AHNAK: variants seen among roughly 807,000 people sequenced by gnomAD.
The protein encoded by AHNAK is AHNAK nucleoprotein, also known as neuroblast differentiation-associated protein AHNAK.
A neutral mutation model predicts 37.8 loss-of-function variants in AHNAK; 23 were observed. The ratio of observed to expected loss-of-function variants is 0.61; its 90% CI spans 0.44 to 0.86. The LOEUF is 0.86. AHNAK is among the 40% of genes least tolerant of loss of function. AHNAK has a pLI of 0.00. For synonymous variants in AHNAK, 2,481 were observed against 2,636.3 expected, an observed-to-expected ratio of 0.94 and a Z score of 1.80; for missense variants, 7,411 against 7,319.4, an observed-to-expected ratio of 1.01 and a Z score of -0.46.
chr11:62,525,326 T>A lies in AHNAK; in HGVS notation c.9091A>T (p.Ser3031Cys). The A allele has an allele frequency of 6.2e-7, 1 of 1,613,198 alleles. No individual in the cohort carries two copies. The highest frequency in any genetic ancestry group is 8.5e-7 in the Non-Finnish European group (1 of 1,179,846). The change falls in exon 5 of 5, where the codon AGC becomes TGC. Residue 3031 changes from serine (S) to cysteine (C), a missense_variant. By Grantham distance (112) the Ser-to-Cys change is moderately radical. Transcript: ENST00000378024. Reference sequence around the variant, plus strand: ...CCCTCTCCTTTGAAGCCAGGCATGCTGAATTTGGGCATTTTCACTTTGGGC... The same window carrying A: ...CCCTCTCCTTTGAAGCCAGGCATGCAGAATTTGGGCATTTTCACTTTGGGC... ...KMPKVKMPKF[S>C]MPGFKGEGPD...
At chr11:62,433,693 C>T (rs1938094497) in exon 6 of AHNAK, 2 of 674,564 alleles carry the variant, frequency 3.0e-6, no homozygotes, top group Non-Finnish European at 5.0e-6. Context: ...ATGCAGCAGC[C>T]CTCGGTCTGG....
chr11:62,457,955 G>A (rs1049576101), intron 5 of AHNAK, among the ~76,000 whole-genome samples: 4 of 141,762 alleles, frequency 2.8e-5, no homozygotes, highest in African/African-American at 5.3e-5. Flanking sequence ...CTCTTGTTGC[G>A]CAGGCTGGAG....
At chr11:62,484,408 A>C (rs184988199) in intron 5 of AHNAK, among the ~76,000 whole-genome samples, 2 of 152,216 alleles carry the variant, frequency 1.3e-5, no homozygotes, top group Non-Finnish European at 2.9e-5. Context: ...TAAATAAATA[A>C]CAAGAGAGAC....
At position 62,531,640 on chromosome 11, in the gene AHNAK, T is replaced by C. The variant is rs1481465620; in HGVS notation, c.2777A>G (p.Glu926Gly). ...EVPDVNIEGPEGKLKGPKFKM... is the reference protein window; with the variant it reads ...EVPDVNIEGPGGKLKGPKFKM... ...GAACTTGGGGCCCTTCAGCTTTCCTTCAGGTCCTTCAATATTCACATCTGG... is the reference window on the plus strand; with the variant it reads ...GAACTTGGGGCCCTTCAGCTTTCCTCCAGGTCCTTCAATATTCACATCTGG... The change falls in exon 5 of 5, where the codon GAA becomes GGA. Residue 926 changes from glutamate to glycine, a missense_variant. Transcript: ENST00000378024. The C allele has an allele frequency of 3.7e-6, 6 of 1,613,680 alleles. No homozygotes were observed. The highest frequency in any genetic ancestry group is 5.1e-6 in the Non-Finnish European group (6 of 1,179,922).
chr11:62,448,622 G>A (rs1463381279), intron 5 of AHNAK, among the ~76,000 whole-genome samples: 2 of 152,170 alleles, frequency 1.3e-5, no homozygotes, highest in Non-Finnish European at 1.5e-5. Context: ...GGGTGGGGGA[G>A]GCAAATCATT....
intron 1 of AHNAK, among the ~76,000 whole-genome samples, chr11:62,537,093 A>G (rs1162185049): frequency 6.6e-6 from 1 of 151,514 alleles, no homozygotes; most frequent in African/African-American, 2.4e-5. Context: ...AGCTGGGACT[A>G]CAGGCGCCCG....
chr11:62,486,818 A>T (rs1320811792), intron 5 of AHNAK, among the ~76,000 whole-genome samples: 1 of 151,898 alleles, frequency 6.6e-6, no homozygotes, highest in Non-Finnish European at 1.5e-5. Context: ...CAAGGGTCCT[A>T]TGAGGTTTTA....
At chr11:62,434,167 C>A (rs1015717087) in intron 5 of AHNAK, among the ~76,000 whole-genome samples, 15 of 152,126 alleles carry the variant, frequency 9.9e-5, no homozygotes, top group Non-Finnish European at 2.1e-4. Context: ...CCTTTTGGTG[C>A]CCCCCATACA....
chr11:62,445,648 G>A (rs1229118193), intron 5 of AHNAK, among the ~76,000 whole-genome samples: 1 of 152,182 alleles, frequency 6.6e-6, no homozygotes, highest in Non-Finnish European at 1.5e-5. Context: ...GAGCACGGAA[G>A]GTCAAGGCTA....
At chr11:62,483,900 G>A (rs1380476842) in intron 5 of AHNAK, among the ~76,000 whole-genome samples, 11 of 151,218 alleles carry the variant, frequency 7.3e-5, no homozygotes, top group Admixed American at 2.0e-4. Flanking sequence ...AGCCAGGCGC[G>A]GTGGCGGGCG....
At chr11:62,446,655 A>G (rs1232772908) in intron 5 of AHNAK, among the ~76,000 whole-genome samples, 2 of 152,004 alleles carry the variant, frequency 1.3e-5, no homozygotes, top group East Asian at 3.9e-4. Context: ...GGGCATCTTC[A>G]TGTTTTGTCA....
At chr11:62,454,257 C>CA (rs1193436535) in intron 5 of AHNAK, among the ~76,000 whole-genome samples, 2 of 147,410 alleles carry the variant, frequency 1.4e-5, no homozygotes, top group Non-Finnish European at 3.0e-5. Context: ...ACTGAAAATA[C>CA]AAAAAATTAG....
intron 5 of AHNAK, among the ~76,000 whole-genome samples, chr11:62,483,195 G>A (rs1011956827): frequency 1.3e-5 from 2 of 152,204 alleles, no homozygotes; most frequent in African/African-American, 2.4e-5. Flanking sequence ...CAACAGCATC[G>A]GGGTAGGGTG....
At chr11:62,447,675 CCT>C (rs1469920464) in intron 5 of AHNAK, among the ~76,000 whole-genome samples, 3 of 139,822 alleles carry the variant, frequency 2.1e-5, no homozygotes, top group African/African-American at 7.5e-5. Flanking sequence ...CTGCCTCCTC[CCT>C]CTGTCCCTCC....
intron 1 of AHNAK, among the ~76,000 whole-genome samples, chr11:62,540,662 AT>A (rs916118271): frequency 2.8e-4 from 43 of 152,066 alleles, no homozygotes; most frequent in African/African-American, 9.9e-4. Flanking sequence ...ATAAAAATGT[AT>A]TTTTTTTAAA....
chr11:62,478,424 A>G (rs1337419495), intron 5 of AHNAK, among the ~76,000 whole-genome samples: 1 of 152,176 alleles, frequency 6.6e-6, no homozygotes, highest in Non-Finnish European at 1.5e-5. Flanking sequence ...TATTGCCCCT[A>G]GCAATGCCTA....
At chr11:62,440,553 C>T (rs1938283378) in intron 5 of AHNAK, among the ~76,000 whole-genome samples, 1 of 152,180 alleles carries the variant, frequency 6.6e-6, no homozygotes, top group African/African-American at 2.4e-5. Context: ...CTCTAGTGGA[C>T]AGAGATGGCC....
intron 5 of AHNAK, among the ~76,000 whole-genome samples, chr11:62,466,277 G>A (rs760821319): frequency 1.3e-4 from 20 of 151,850 alleles, no homozygotes; most frequent in African/African-American, 3.9e-4. Flanking sequence ...CCGAGATCAC[G>A]CCACCGCACT....
intron 5 of AHNAK, among the ~76,000 whole-genome samples, chr11:62,459,765 T>C (rs570188729): frequency 6.6e-6 from 1 of 152,128 alleles, no homozygotes; most frequent in Non-Finnish European, 1.5e-5. Flanking sequence ...AGGTCAAATA[T>C]CTTTCCCAAG....
Sources: gnomAD v4.1 joint callset for allele counts (sites outside exome capture counted in the v4.1 genomes callset) on GRCh38, gnomAD v4.1.1 for gene constraint, MANE v1.5 for transcripts, NCBI Gene and HGNC (gene_info 2026-07-23, HGNC 2026-07-21) for gene names.